The following SCD5 variants were observed in gnomAD, a reference collection of about 807,000 sequenced individuals.
The protein encoded by SCD5 is acyl-CoA-desaturase 4.
SCD5 carries 20 observed loss-of-function variants against 30.4 expected under a neutral mutation model. That is an observed-to-expected ratio of 0.66 (90% confidence interval 0.46 to 0.96). SCD5 has a LOEUF of 0.96. Among genes scored for constraint, SCD5 ranks in the 40% least tolerant of loss-of-function variants. SCD5 has a pLI of 0.00. For synonymous variants in SCD5, 173 were observed against 176.4 expected, an observed-to-expected ratio of 0.98 and a Z score of 0.16; for missense variants, 381 against 443.3, an observed-to-expected ratio of 0.86 and a Z score of 1.26.
chr4:82,686,031 G>C (rs1277238089), intron 2 of SCD5, among the ~76,000 whole-genome samples: 4 of 151,000 alleles, frequency 2.6e-5, no homozygotes, highest in Non-Finnish European at 5.9e-5. Context: ...TTTGAGACAG[G>C]GTCTCTCTCT....
At chr4:82,738,308 G>A (rs1720796822) in intron 1 of SCD5, among the ~76,000 whole-genome samples, 1 of 151,632 alleles carries the variant, frequency 6.6e-6, no homozygotes, top group Non-Finnish European at 1.5e-5. Context: ...TGTGGTCCCA[G>A]CTACTCGGGA....
chr4:82,753,115 GGAGTC>G lies in SCD5; in HGVS notation c.232+45186_232+45190del, dbSNP rs546358915. On this transcript the variant is annotated intron_variant, in intron 1 of 4. Coordinates refer to ENST00000319540, the MANE Select transcript of SCD5 (RefSeq NM_001037582.3). The stretch of plus-strand genomic sequence containing the variant: ...CAGCCCCACTGAAAACCACAGGACT[GGAGTC>G]TGCATTTTAGCAAGATCCTATGTGA... 8.1e-3 allele frequency among the ~76,000 whole-genome samples: 1,232 copies of G among 152,190 alleles called. 12 individuals are homozygous for G. The highest frequency in any genetic ancestry group is 9.9e-3 in the Non-Finnish European group (676 of 67,996).
chr4:82,790,770 G>A (rs563143925), intron 1 of SCD5, among the ~76,000 whole-genome samples: 1 of 152,102 alleles, frequency 6.6e-6, no homozygotes, highest in South Asian at 2.1e-4. Context: ...TCAGCCCGCT[G>A]TGCATTAGAA....
At chr4:82,695,705 G>T (rs2148825222) in intron 2 of SCD5, among the ~76,000 whole-genome samples, 1 of 152,282 alleles carries the variant, frequency 6.6e-6, no homozygotes, top group Admixed American at 6.5e-5. Flanking sequence ...TTCAATCTGG[G>T]TGATTTTCTA....
At chr4:82,642,998 C>A (rs558312605) in intron 3 of SCD5, among the ~76,000 whole-genome samples, 7 of 152,098 alleles carry the variant, frequency 4.6e-5, no homozygotes, top group Middle Eastern at 3.2e-3. Flanking sequence ...TGGTTTAAGG[C>A]AATTTTGGTA....
chr4:82,663,415 G>A (rs944364464), intron 3 of SCD5, among the ~76,000 whole-genome samples: 2 of 152,162 alleles, frequency 1.3e-5, no homozygotes, highest in African/African-American at 4.8e-5. Context: ...TTGGGGACAG[G>A]GTAGAGTGGA....
At chr4:82,766,436 G>T (rs539487033) in intron 1 of SCD5, among the ~76,000 whole-genome samples, 7 of 152,110 alleles carry the variant, frequency 4.6e-5, no homozygotes, top group Non-Finnish European at 1.0e-4. Flanking sequence ...TTTAATTTGG[G>T]TCTTTTTCAA....
intron 3 of SCD5, among the ~76,000 whole-genome samples, chr4:82,657,875 T>G (rs1010256040): frequency 1.3e-5 from 2 of 152,236 alleles, no homozygotes; most frequent in Non-Finnish European, 2.9e-5. Context: ...CAAATGGGAA[T>G]TCACTCATGA....
At chr4:82,709,949 T>C (rs1720048349) in intron 1 of SCD5, among the ~76,000 whole-genome samples, 1 of 152,212 alleles carries the variant, frequency 6.6e-6, no homozygotes, top group Admixed American at 6.5e-5. Context: ...ATGAGGTAGA[T>C]ATCATCATTT....
At chr4:82,653,408 G>A (rs1727795964) in intron 3 of SCD5, among the ~76,000 whole-genome samples, 2 of 152,036 alleles carry the variant, frequency 1.3e-5, no homozygotes, top group Admixed American at 6.6e-5. Flanking sequence ...CACATTAGAA[G>A]GTGTTTCCTA....
intron 1 of SCD5, among the ~76,000 whole-genome samples, chr4:82,706,333 G>A (rs1304466812): frequency 3.3e-5 from 5 of 152,186 alleles, no homozygotes; most frequent in Non-Finnish European, 1.5e-5. Flanking sequence ...AAAAACATTG[G>A]CTAAAAAAGG....
chr4:82,727,504 T>C (rs1720530036), intron 1 of SCD5, among the ~76,000 whole-genome samples: 1 of 152,194 alleles, frequency 6.6e-6, no homozygotes, highest in Non-Finnish European at 1.5e-5. Context: ...ATTCTTCCTT[T>C]TGTCTCCCAG....
In SCD5 at chr4:82,730,445, T is replaced by C. The variant is rs1458055302; in HGVS notation, c.233-25032A>G. Among the ~76,000 whole-genome samples the C allele has an allele frequency of 4.0e-5, 6 of 148,734 alleles. No individual in the cohort carries two copies. The East Asian group carries it at 1.0e-3, about 25-fold the overall frequency. On this transcript the variant is annotated intron_variant, in intron 1 of 4. Transcript: ENST00000319540. ...CCAGGTAGCTGGGATTACAGGCGCATGCCACTATGCCTGGCTAATTTTTTG... is the reference window on the plus strand; with the variant it reads ...CCAGGTAGCTGGGATTACAGGCGCACGCCACTATGCCTGGCTAATTTTTTG...
At chr4:82,670,947 G>C (rs1199666408) in intron 3 of SCD5, among the ~76,000 whole-genome samples, 1 of 152,080 alleles carries the variant, frequency 6.6e-6, no homozygotes, top group African/African-American at 2.4e-5. Flanking sequence ...GAGACTATCA[G>C]AGTGGATCAA....
At chr4:82,637,590 G>A (rs915927758) in intron 3 of SCD5, among the ~76,000 whole-genome samples, 10 of 152,214 alleles carry the variant, frequency 6.6e-5, no homozygotes, top group Admixed American at 2.6e-4. Context: ...ACTGCTCACC[G>A]CCCTCTTGCC....
Position 82,755,995 on chromosome 4 carries a change from T to C in SCD5, c.232+42311A>G, listed in dbSNP as rs557087666. ...AGAATTTGTTTAAATCAAATTGTCA[T>C]CTAAATGGAAAGCAGTATAGTGATT... is the stretch of plus-strand genomic sequence containing the variant. On this transcript the variant is annotated intron_variant, in intron 1 of 4. Transcript: ENST00000319540. Among the ~76,000 whole-genome samples the C allele has an allele frequency of 5.3e-5, 8 of 152,332 alleles. No homozygotes were observed. In the South Asian group the frequency reaches 1.2e-3, roughly 24 times the overall value.
intron 1 of SCD5, among the ~76,000 whole-genome samples, chr4:82,776,654 C>T (rs1255744415): frequency 6.6e-6 from 1 of 152,182 alleles, no homozygotes; most frequent in Non-Finnish European, 1.5e-5. Flanking sequence ...TGGTGCATTT[C>T]TCTATGGAGC....
chr4:82,761,372 C>T (rs929369183), intron 1 of SCD5, among the ~76,000 whole-genome samples: 2 of 152,164 alleles, frequency 1.3e-5, no homozygotes, highest in Admixed American at 6.5e-5. Context: ...TCCACTAACA[C>T]GAAGATTCCA....
At chr4:82,756,463 C>T (rs1486994305) in intron 1 of SCD5, among the ~76,000 whole-genome samples, 7 of 152,284 alleles carry the variant, frequency 4.6e-5, no homozygotes, top group African/African-American at 7.2e-5. Context: ...AGGTGGCTCA[C>T]GCCTGTAATC....
Sources: gnomAD v4.1 joint callset for allele counts (sites outside exome capture counted in the v4.1 genomes callset) on GRCh38, gnomAD v4.1.1 for gene constraint, MANE v1.5 for transcripts, NCBI Gene and HGNC (gene_info 2026-07-23, HGNC 2026-07-21) for gene names.